Variants in ABCG5 observed in about 807,000 individuals in gnomAD.
ABCG5 encodes the protein ATP binding cassette subfamily G member 5, also known as ATP-binding cassette sub-family G member 5.
A neutral mutation model predicts 64.5 loss-of-function variants in ABCG5; 64 were observed. The observed-to-expected ratio is 0.99, with a 90% CI of 0.81 to 1.22. The LOEUF (loss-of-function observed/expected upper bound fraction) is 1.22, where lower values mean the gene tolerates loss of function less well. ABCG5 is among the 50% of genes most tolerant of loss of function. The pLI, the probability that ABCG5 is intolerant of heterozygous loss-of-function variation, is 0.00. For missense variants in ABCG5, 908 were observed against 829.5 expected (o/e 1.09, Z -1.16); for synonymous variants, 385 against 326.3 (o/e 1.18, Z -1.94).
At chr2:43,810,983 T>C (rs1197539662), downstream of ABCG5, among the ~76,000 whole-genome samples, 1 of 152,244 alleles carries the variant, frequency 6.6e-6, no homozygotes, top group African/African-American at 2.4e-5. Context: ...CCATTGTGTT[T>C]TTCTAAGGTG....
At chr2:43,834,237 C>G (rs137903791) in intron 2 of ABCG5, among the ~76,000 whole-genome samples, 1 of 152,332 alleles carries the variant, frequency 6.6e-6, no homozygotes, top group East Asian at 1.9e-4. Flanking sequence ...CTAACCAGAG[C>G]CATCCTGGCT....
chr2:43,836,679 T>C (rs1395638086), intron 2 of ABCG5, among the ~76,000 whole-genome samples: 1 of 152,052 alleles, frequency 6.6e-6, no homozygotes, highest in African/African-American at 2.4e-5. Flanking sequence ...CTAGACTCTC[T>C]GGGGCAATGA....
At chr2:43,833,778 A>T (rs2104874420) in intron 2 of ABCG5, among the ~76,000 whole-genome samples, 1 of 152,308 alleles carries the variant, frequency 6.6e-6, no homozygotes, top group Middle Eastern at 3.4e-3. Context: ...GCTGTCTCCC[A>T]GGTTCAAACA....
At chr2:43,814,023 G>T (rs917973869) in intron 12 of ABCG5, among the ~76,000 whole-genome samples, 4 of 152,102 alleles carry the variant, frequency 2.6e-5, no homozygotes, top group Non-Finnish European at 4.4e-5. Context: ...GCCACCCTGA[G>T]ATTTCTAATG....
Position 43,826,393 on chromosome 2 carries a change from C to T in ABCG5, c.763G>A (p.Glu255Lys). The T allele has an allele frequency of 6.2e-7, 1 of 1,614,018 alleles. No homozygotes were observed. Among genetic ancestry groups the T allele is most frequent in the Non-Finnish European group, 8.5e-7 (1 of 1,179,994 alleles). Residue 255 changes from glutamate to lysine, a missense_variant, in exon 6 of 13, where the codon GAG becomes AAG. Transcript: ENST00000405322. The part of the protein sequence containing the change: ...VVLTIHQPRS[E>K]LFQLFDKIAI... ...GTTGAACCTCTTACCTGAAAAAGCT[C>T]AGAACGGGGCTGGTGAATGGTGAGA...
chr2:43,808,350 G>A (rs955071299), downstream of ABCG5, among the ~76,000 whole-genome samples: 1 of 151,806 alleles, frequency 6.6e-6, no homozygotes, highest in African/African-American at 2.4e-5. Flanking sequence ...GTAACTTAGG[G>A]TATAGGTATG....
At chr2:43,834,751 C>A (rs917263504) in intron 2 of ABCG5, among the ~76,000 whole-genome samples, 3 of 152,252 alleles carry the variant, frequency 2.0e-5, no homozygotes, top group Non-Finnish European at 4.4e-5. Flanking sequence ...AAAGAAGCAT[C>A]TAACCCAGAG....
chr2:43,827,297 C>G (rs1023262954), intron 5 of ABCG5, among the ~76,000 whole-genome samples: 2 of 149,884 alleles, frequency 1.3e-5, no homozygotes, highest in South Asian at 2.1e-4. Flanking sequence ...TGCACTCCAG[C>G]CTGGGCAACA....
intron 10 of ABCG5, among the ~76,000 whole-genome samples, chr2:43,821,454 C>G (rs763274366): frequency 6.6e-6 from 1 of 152,158 alleles, no homozygotes; most frequent in African/African-American, 2.4e-5. Context: ...AATGGTTTCG[C>G]TCCCAGGATT....
At chr2:43,837,461 T>TA (rs900701786) in intron 2 of ABCG5, among the ~76,000 whole-genome samples, 7 of 152,134 alleles carry the variant, frequency 4.6e-5, no homozygotes, top group Admixed American at 4.6e-4. Flanking sequence ...TATACCATCA[T>TA]AAAAAAGCAC....
intron 11 of ABCG5, among the ~76,000 whole-genome samples, chr2:43,817,542 C>G (rs1421652691): frequency 6.6e-6 from 1 of 151,734 alleles, no homozygotes; most frequent in East Asian, 1.9e-4. Flanking sequence ...TTCCTAAAAC[C>G]CTAATACAAA....
chr2:43,827,972 G>A lies in ABCG5; in HGVS notation c.634+11C>T. ...AGACAGCAGCTAGTAACAGTTCTGG[G>A]TGCCACTTACTAGGATCCTGGAGCA... On this transcript the variant is annotated intron_variant, in intron 5 of 12. Transcript: ENST00000405322. 6.2e-7 allele frequency: 1 copy of A among 1,613,826 alleles called. No homozygotes were observed. The highest frequency in any genetic ancestry group is 8.5e-7 in the Non-Finnish European group (1 of 1,179,984).
chr2:43,831,917 G>T (rs916698804), intron 3 of ABCG5, 30 bp downstream of exon 3: 15 of 1,547,764 alleles, frequency 9.7e-6, no homozygotes, highest in Non-Finnish European at 1.2e-5. Flanking sequence ...GGGCGGGCGG[G>T]GGGGCCAGGG....
intron 11 of ABCG5, among the ~76,000 whole-genome samples, chr2:43,816,719 A>G (rs569956800): frequency 6.6e-6 from 1 of 152,270 alleles, no homozygotes; most frequent in East Asian, 1.9e-4. Flanking sequence ...AATTCATATT[A>G]TGTTGTTAAA....
intron 11 of ABCG5, among the ~76,000 whole-genome samples, chr2:43,816,167 C>A (rs543337375): frequency 2.2e-4 from 34 of 152,262 alleles, no homozygotes; most frequent in African/African-American, 8.2e-4. Context: ...GTATACAGTT[C>A]AAAGACAGAG....
At chr2:43,833,596 G>A (rs373416751) in intron 2 of ABCG5, among the ~76,000 whole-genome samples, 3 of 151,944 alleles carry the variant, frequency 2.0e-5, no homozygotes, top group African/African-American at 7.3e-5. Flanking sequence ...GCATTAGCCA[G>A]GATGGTCACA....
intron 11 of ABCG5, among the ~76,000 whole-genome samples, chr2:43,816,932 A>T (rs1468197318): frequency 6.6e-6 from 1 of 152,220 alleles, no homozygotes; most frequent in Admixed American, 6.5e-5. Flanking sequence ...TTGTAAGCAG[A>T]AAACACAGCA....
rs148186696 is a variant in ABCG5 at position 43,826,398 on chromosome 2, C to T, written c.758G>A (p.Arg253His). ...RIVVLTIHQP[R>H]SELFQLFDKI... The stretch of plus-strand genomic sequence containing the variant: ...ACCTCTTACCTGAAAAAGCTCAGAA[C>T]GGGGCTGGTGAATGGTGAGAACCAC... Residue 253 changes from arginine (R) to histidine (H), a missense_variant, in exon 6 of 13, where the codon CGT (arginine) becomes CAT (histidine). Transcript: ENST00000405322. 179 of 1,613,890 alleles carry T rather than the reference C, an allele frequency of 1.1e-4. 1 individual carries two copies. The highest frequency in any genetic ancestry group is 4.0e-4 in the South Asian group (36 of 91,088).
chr2:43,828,576 C>G (rs1667776909), intron 4 of ABCG5: 2 of 338,766 alleles, frequency 5.9e-6, no homozygotes, highest in Non-Finnish European at 1.1e-5. Flanking sequence ...GCAGGAGGAT[C>G]GCTTGATCCC....
Sources: allele counts gnomAD v4.1 joint callset (sites outside exome capture counted in the v4.1 genomes callset), GRCh38; gene constraint gnomAD v4.1.1; transcripts MANE v1.5; gene names NCBI Gene and HGNC (gene_info 2026-07-23, HGNC 2026-07-21).